The following COL8A1 variants were observed in gnomAD, a reference collection of about 807,000 sequenced individuals.
COL8A1 encodes collagen type VIII alpha 1 chain.
In COL8A1, 21 loss-of-function variants were observed where a neutral mutation model predicts 42.7. The ratio of observed to expected loss-of-function variants is 0.49; its 90% CI spans 0.35 to 0.71. The LOEUF (loss-of-function observed/expected upper bound fraction) is 0.71. Ranked by LOEUF, COL8A1 falls within the 30% of genes least tolerant of loss-of-function variation. The pLI is 0.01. For synonymous variants in COL8A1, 367 were observed against 369.1 expected, an observed-to-expected ratio of 0.99 and a Z score of 0.06; for missense variants, 788 against 962.4, an observed-to-expected ratio of 0.82 and a Z score of 2.40.
intron 2 of COL8A1, among the ~76,000 whole-genome samples, chr3:99,748,262 T>G (rs1377120730): frequency 6.6e-6 from 1 of 152,180 alleles, no homozygotes; most frequent in Non-Finnish European, 1.5e-5. Context: ...CAGGAATGAC[T>G]ATAGCTGCAC....
rs763969341 is a variant in COL8A1, at chr3:99,795,771, G to A, written c.1870G>A (p.Ala624Thr). 18 of 1,613,948 alleles carry A rather than the reference G, an allele frequency of 1.1e-5. No homozygotes were observed. The highest frequency in any genetic ancestry group is 6.7e-5 in the Admixed American group (4 of 60,010). The change falls in exon 4 of 4, where the codon GCA becomes ACA. Residue 624 changes from alanine to threonine, a missense_variant. Physicochemically the swap from Ala to Thr is moderately conservative, Grantham distance 58. Around this residue, in one of 4 missense-constraint regions of COL8A1, gnomAD observed 212 missense variants for 210.9 expected, o/e 1.00. Transcript: ENST00000652472. The stretch of plus-strand genomic sequence containing the variant: ...GCCTGCATTTACCGCCGAGCTAACC[G>A]CACCTTTCCCACCGGTGGGGGCCCC... ...EMPAFTAELT[A>T]PFPPVGAPVK... is the part of the protein sequence containing the mutation.
chr3:99,684,514 T>C (rs1426675236), intron 1 of COL8A1, among the ~76,000 whole-genome samples: 1 of 152,234 alleles, frequency 6.6e-6, no homozygotes, highest in Non-Finnish European at 1.5e-5. Context: ...GCATATTGAA[T>C]GAGCAATTGT....
At chr3:99,759,106 CTT>C (rs372727265) in intron 2 of COL8A1, among the ~76,000 whole-genome samples, 142 of 139,532 alleles carry the variant, frequency 1.0e-3, no homozygotes, top group Admixed American at 7.2e-4. Flanking sequence ...GAGCCTGTTC[CTT>C]TTTTTTTTTT....
intron 1 of COL8A1, among the ~76,000 whole-genome samples, chr3:99,734,589 C>G (rs1033164087): frequency 6.6e-6 from 1 of 151,964 alleles, no homozygotes; most frequent in African/African-American, 2.4e-5. Context: ...AGTGTGATGC[C>G]TCCAGCTTTG....
intron 2 of COL8A1, among the ~76,000 whole-genome samples, chr3:99,783,130 A>G (rs147085684): frequency 1.5e-3 from 233 of 152,330 alleles, no homozygotes; most frequent in African/African-American, 5.2e-3. Flanking sequence ...GGCAGAAGAG[A>G]TTCGGATTAG....
intron 1 of COL8A1, among the ~76,000 whole-genome samples, chr3:99,664,402 A>G (rs542519808): frequency 1.3e-5 from 2 of 152,326 alleles, no homozygotes; most frequent in South Asian, 2.1e-4. Context: ...GGTAGATTCT[A>G]TAACTTCGTG....
chr3:99,649,371 A>G (rs1446099768), intron 1 of COL8A1, among the ~76,000 whole-genome samples: 1 of 152,128 alleles, frequency 6.6e-6, no homozygotes, highest in African/African-American at 2.4e-5. Context: ...GGCTTAATAA[A>G]TGTGAAAAGA....
At chr3:99,721,900 G>A (rs1940168350) in intron 1 of COL8A1, among the ~76,000 whole-genome samples, 1 of 151,696 alleles carries the variant, frequency 6.6e-6, no homozygotes, top group African/African-American at 2.4e-5. Context: ...TTTTTATGCG[G>A]GTGGTGATGT....
chr3:99,786,459 A>G (rs1941898547), intron 2 of COL8A1, among the ~76,000 whole-genome samples: 1 of 152,178 alleles, frequency 6.6e-6, no homozygotes, highest in South Asian at 2.1e-4. Flanking sequence ...TCTATGAACC[A>G]GAAAGTGGGT....
chr3:99,755,852 C>T (rs1344648017), intron 2 of COL8A1, among the ~76,000 whole-genome samples: 1 of 152,128 alleles, frequency 6.6e-6, no homozygotes, highest in East Asian at 1.9e-4. Flanking sequence ...TCGCTTAGGT[C>T]TTGCAGGCTG....
chr3:99,651,149 C>CTA (rs1380745441), intron 1 of COL8A1, among the ~76,000 whole-genome samples: 1 of 152,132 alleles, frequency 6.6e-6, no homozygotes, highest in Non-Finnish European at 1.5e-5. Flanking sequence ...TTCTTTATCA[C>CTA]TATATAAACA....
intron 1 of COL8A1, among the ~76,000 whole-genome samples, chr3:99,729,680 C>T (rs1031688237): frequency 6.6e-6 from 1 of 151,960 alleles, no homozygotes; most frequent in Non-Finnish European, 1.5e-5. Context: ...TGAGACTCTA[C>T]AACCTTTAGT....
chr3:99,713,787 A>G (rs937562354), intron 1 of COL8A1, among the ~76,000 whole-genome samples: 2 of 28,010 alleles, frequency 7.1e-5, no homozygotes, highest in East Asian at 1.8e-3. Context: ...GGATTTGTGA[A>G]AAAAAAAATA....
intron 1 of COL8A1, among the ~76,000 whole-genome samples, chr3:99,649,214 C>G (rs1937757589): frequency 6.6e-6 from 1 of 152,084 alleles, no homozygotes; most frequent in African/African-American, 2.4e-5. Flanking sequence ...CCCTAGAACT[C>G]TCTGTACAAG....
At chr3:99,737,193 C>T (rs566806667) in intron 1 of COL8A1, among the ~76,000 whole-genome samples, 8 of 152,134 alleles carry the variant, frequency 5.3e-5, no homozygotes, top group Non-Finnish European at 1.2e-4. Context: ...TCCAGTTTGC[C>T]AGTCTGTGTC....
chr3:99,686,176 AAAT>A (rs67365255), intron 1 of COL8A1, among the ~76,000 whole-genome samples: 14,665 of 152,180 alleles, frequency 0.096, 848 homozygotes, highest in Middle Eastern at 0.12. Context: ...CGCATCCTCA[AAAT>A]AATAATAGAA....
rs770007013 is a variant in COL8A1 at position 99,794,534 on chromosome 3, T to TGGGCCAGGGTTACCA, written c.638_652dup (p.Pro213_Gly217dup). On this transcript the variant is annotated inframe_insertion, in exon 4 of 4. Transcript: ENST00000652472. This position sits in a 1 kb window ranked among gnomAD's most constrained non-coding sequence, Gnocchi z 4.3. ...GACTTCCTGGCATTGGGAAGCCAGG[T>TGGGCCAGGGTTACCA]GGGCCAGGGTTACCAGGGCAACCAG... 33 of 1,613,756 alleles carry TGGGCCAGGGTTACCA rather than the reference T, an allele frequency of 2.0e-5. No homozygotes were observed. Among genetic ancestry groups the TGGGCCAGGGTTACCA allele is most frequent in the Non-Finnish European group, 2.7e-5 (32 of 1,179,898 alleles).
chr3:99,763,953 A>G (rs911471296), intron 2 of COL8A1, among the ~76,000 whole-genome samples: 7 of 152,126 alleles, frequency 4.6e-5, no homozygotes, highest in African/African-American at 1.7e-4. Context: ...GTCACCATCT[A>G]CTCCGCCAGG....
At position 99,658,679 on chromosome 3, in the gene COL8A1, G is replaced by A. The variant is rs79820549; in HGVS notation, c.-129+20015G>A. On this transcript the variant is annotated intron_variant, in intron 1 of 3. Transcript: ENST00000652472. The stretch of plus-strand genomic sequence containing the variant: ...GATATTCAGAGAAGCAGATATCAGA[G>A]ACAAACTGGCAGATACAAAGGTCAA... Among the ~76,000 whole-genome samples, 269 of 152,300 alleles carry A rather than the reference G, an allele frequency of 1.8e-3. 1 individual carries two copies. The highest frequency in any genetic ancestry group is 6.1e-3 in the African/African-American group (255 of 41,564).
Sources: allele counts gnomAD v4.1 joint callset (sites outside exome capture counted in the v4.1 genomes callset), GRCh38; gene constraint gnomAD v4.1.1; regional missense constraint gnomAD v4.1.1; non-coding constraint Gnocchi (gnomAD v3.1); transcripts MANE v1.5; gene names NCBI Gene and HGNC (gene_info 2026-07-23, HGNC 2026-07-21).